Variants in SIK3 observed in about 807,000 individuals in gnomAD.
SIK3 encodes SIK family kinase 3, also known as serine/threonine-protein kinase SIK3.
Under a neutral mutation model 144.2 loss-of-function variants are expected in SIK3, and 28 were observed. The ratio of observed to expected loss-of-function variants is 0.19; its 90% confidence interval spans 0.14 to 0.27. The LOEUF (loss-of-function observed/expected upper bound fraction) is 0.27. SIK3 is among the 10% of genes least tolerant of loss of function. SIK3 has a pLI of 1.00. For missense variants in SIK3, 1,319 were observed against 1,776.0 expected, an observed-to-expected ratio of 0.74 and a Z score of 4.62; for synonymous variants, 686 against 676.3, an observed-to-expected ratio of 1.01 and a Z score of -0.22.
rs747803176 is a variant in SIK3, at chr11:116,876,225, A to C, written c.1095+28T>G. On this transcript the variant is annotated intron_variant, in intron 8 of 24. Coordinates refer to ENST00000445177, the MANE Select transcript of SIK3 (RefSeq NM_001366686.3). ...CAGGTTAGAGGAACTGCTACATCCC[A>C]CTTTGTTCTCCACTCCTTCGGAGAT... 4 of 1,596,886 alleles carry C rather than the reference A, an allele frequency of 2.5e-6. No individual in the cohort carries two copies. In the East Asian group the frequency reaches 8.9e-5, roughly 36 times the overall value.
rs1943483081 is a variant in SIK3, at chr11:116,863,818, G to A, written c.1953C>T (p.Arg651=). The change falls in exon 16 of 25, where the codon CGC becomes CGT. Residue 651 remains arginine (R), a splice_region_variant and synonymous_variant. Transcript: ENST00000445177. The part of the protein sequence containing the change: ...WPPHLVPDQH[R]STYKDSNTLH... ...GAGTGTTGGAGTCCTTGTAGGTAGA[G>A]CTGAATATATGGGAAGAGAAGGTTA... The A allele has an allele frequency of 3.1e-6, 5 of 1,605,672 alleles. No individual in the cohort carries two copies. Among genetic ancestry groups the A allele is most frequent in the Non-Finnish European group, 4.3e-6 (5 of 1,175,232 alleles).
intron 4 of SIK3, among the ~76,000 whole-genome samples, chr11:116,908,306 G>A (rs913988844): frequency 2.0e-5 from 3 of 151,984 alleles, no homozygotes; most frequent in African/African-American, 4.8e-5. Context: ...GGGAGACCTC[G>A]TCTTCACAAA....
chr11:116,930,068 A>T (rs1392821299), intron 3 of SIK3, among the ~76,000 whole-genome samples: 3 of 151,892 alleles, frequency 2.0e-5, no homozygotes, highest in African/African-American at 7.3e-5. Flanking sequence ...CTCTAAATAC[A>T]CTTACGGAAC....
intron 1 of SIK3, among the ~76,000 whole-genome samples, chr11:117,076,733 G>C (rs896990111): frequency 3.9e-5 from 6 of 152,034 alleles, no homozygotes; most frequent in African/African-American, 1.2e-4. Flanking sequence ...AGTAGAGACG[G>C]GGTTTCACCA....
chr11:117,077,389 C>T (rs926949467), intron 1 of SIK3, among the ~76,000 whole-genome samples: 1 of 152,190 alleles, frequency 6.6e-6, no homozygotes, highest in Non-Finnish European at 1.5e-5. Context: ...CAATGGAATA[C>T]ATAATGAAAT....
chr11:117,050,340 G>A (rs529031461), intron 1 of SIK3, among the ~76,000 whole-genome samples: 3 of 151,884 alleles, frequency 2.0e-5, no homozygotes, highest in Non-Finnish European at 2.9e-5. Flanking sequence ...GTTGGGGGAA[G>A]GGTATACAGG....
At chr11:116,894,185 TATG>T (rs1421820366) in intron 6 of SIK3, among the ~76,000 whole-genome samples, 1 of 152,148 alleles carries the variant, frequency 6.6e-6, no homozygotes, top group African/African-American at 2.4e-5. Flanking sequence ...CAGCAACTCT[TATG>T]ATACCTCTTC....
rs1215943676 is a variant in SIK3 at position 116,863,659 on chromosome 11, T to C, written c.2103+9A>G. 1.2e-6 allele frequency: 2 copies of C among 1,613,862 alleles called. No individual in the cohort carries two copies. The highest frequency in any genetic ancestry group is 1.3e-5 in the African/African-American group (1 of 74,930). Reference sequence around the variant, plus strand: ...CTCCTCCAGGGATGCCTGCCACCTCTTCCATTACCTGCTGCAGCTGTTTGA... The same window carrying C: ...CTCCTCCAGGGATGCCTGCCACCTCCTCCATTACCTGCTGCAGCTGTTTGA... On this transcript the variant is annotated intron_variant, in intron 16 of 24. Coordinates refer to ENST00000445177, the MANE Select transcript of SIK3 (RefSeq NM_001366686.3).
At chr11:116,886,435 A>C (rs1944822747) in intron 6 of SIK3, among the ~76,000 whole-genome samples, 1 of 152,228 alleles carries the variant, frequency 6.6e-6, no homozygotes, top group African/African-American at 2.4e-5. Context: ...CTATCAGGGC[A>C]GAGTTGTTTG....
At chr11:116,873,315 G>A (rs1944059225) in intron 13 of SIK3, among the ~76,000 whole-genome samples, 166 bp downstream of exon 13, 1 of 152,224 alleles carries the variant, frequency 6.6e-6, no homozygotes, top group Admixed American at 6.5e-5. Context: ...CAAAAATAAA[G>A]TGTGGAAAAC....
chr11:117,069,968 TC>T, intron 1 of SIK3, among the ~76,000 whole-genome samples: 1 of 152,360 alleles, frequency 6.6e-6, no homozygotes, highest in South Asian at 2.1e-4. Flanking sequence ...ATTCTCCGCT[TC>T]CCATTTTAGG....
chr11:117,076,626 A>G (rs924139213), intron 1 of SIK3, among the ~76,000 whole-genome samples: 4 of 151,954 alleles, frequency 2.6e-5, no homozygotes, highest in African/African-American at 9.7e-5. Context: ...TCCCGGGTTC[A>G]AGCAATTCTC....
intron 3 of SIK3, among the ~76,000 whole-genome samples, chr11:116,937,713 T>G (rs973554905): frequency 1.3e-5 from 2 of 152,188 alleles, no homozygotes; most frequent in Non-Finnish European, 2.9e-5. Context: ...GAACTAAAGA[T>G]ATAATATTTA....
intron 6 of SIK3, among the ~76,000 whole-genome samples, chr11:116,882,468 GC>G (rs1474497530): frequency 6.6e-6 from 1 of 152,170 alleles, no homozygotes; most frequent in African/African-American, 2.4e-5. Flanking sequence ...AGGAGGGAAA[GC>G]CATTTGTCCC....
intron 1 of SIK3, among the ~76,000 whole-genome samples, chr11:117,056,102 T>C (rs1182814062): frequency 1.3e-5 from 2 of 152,104 alleles, no homozygotes; most frequent in African/African-American, 4.8e-5. Flanking sequence ...AACAGGGAAG[T>C]AGATATATTA....
intron 3 of SIK3, among the ~76,000 whole-genome samples, chr11:116,939,167 A>C (rs899201702): frequency 6.6e-6 from 1 of 152,184 alleles, no homozygotes; most frequent in African/African-American, 2.4e-5. Context: ...TTTTGTTTTT[A>C]AGACAAGTCT....
intron 2 of SIK3, among the ~76,000 whole-genome samples, chr11:116,956,504 T>C (rs527811576): frequency 6.6e-6 from 1 of 152,306 alleles, no homozygotes; most frequent in Admixed American, 6.5e-5. Flanking sequence ...TCCTTTGCCA[T>C]AACAATTTAT....
chr11:116,965,575 A>C lies in SIK3; in HGVS notation c.274-8511T>G, dbSNP rs568461206. On this transcript the variant is annotated intron_variant, in intron 1 of 24. Transcript: ENST00000445177. ...ATTTTAAGGTTAAGGAGCTGTTGAA[A>C]AGGATGCCTCAAAGCCCTAAAAAAA... is the stretch of plus-strand genomic sequence containing the variant. Among the ~76,000 whole-genome samples the C allele has an allele frequency of 3.2e-4, 48 of 151,184 alleles. 1 individual carries two copies. The highest frequency in any genetic ancestry group is 1.2e-3 in the African/African-American group (48 of 41,010).
At chr11:117,001,058 A>C (rs1950831433) in intron 1 of SIK3, among the ~76,000 whole-genome samples, 1 of 152,258 alleles carries the variant, frequency 6.6e-6, no homozygotes, top group Non-Finnish European at 1.5e-5. Flanking sequence ...CTAGATTATA[A>C]TATCACTATT....
Sources: allele counts gnomAD v4.1 joint callset (sites outside exome capture counted in the v4.1 genomes callset), GRCh38; gene constraint gnomAD v4.1.1; transcripts MANE v1.5; gene names NCBI Gene and HGNC (gene_info 2026-07-23, HGNC 2026-07-21).